The following SLC24A2 variants were observed in gnomAD, a reference collection of about 807,000 sequenced individuals.
SLC24A2 encodes solute carrier family 24 member 2, also known as sodium/potassium/calcium exchanger 2.
Under a neutral mutation model 62.0 loss-of-function variants are expected in SLC24A2, and 36 were observed. The observed-to-expected ratio is 0.58, with a 90% CI of 0.44 to 0.77. The LOEUF (loss-of-function observed/expected upper bound fraction) is 0.77, where lower values mean the gene tolerates loss of function less well. Ranked by LOEUF, SLC24A2 falls within the 30% of genes least tolerant of loss-of-function variation. SLC24A2 has a pLI of 0.00. For missense variants in SLC24A2, 846 were observed against 817.9 expected (o/e 1.03, Z -0.42); for synonymous variants, 358 against 294.0 (o/e 1.22, Z -2.23).
At chr9:19,971,606 C>T in the SLC24A2 span, among the ~76,000 whole-genome samples, 1 of 152,098 alleles carries the variant, frequency 6.6e-6, no homozygotes, top group African/African-American at 2.4e-5. Flanking sequence ...GGACCATTGT[C>T]AATTGGATGA....
intron 5 of SLC24A2, among the ~76,000 whole-genome samples, chr9:19,596,407 A>T (rs1836704159): frequency 6.6e-6 from 1 of 152,210 alleles, no homozygotes; most frequent in South Asian, 2.1e-4. Context: ...ATATATTTTT[A>T]AAAAGTCGCA....
At chr9:19,560,616 C>T (rs992645490) in intron 7 of SLC24A2, among the ~76,000 whole-genome samples, 5 of 152,174 alleles carry the variant, frequency 3.3e-5, no homozygotes, top group Admixed American at 3.3e-4. Flanking sequence ...CTTCCAACCC[C>T]TAGATCTGTG....
At chr9:19,550,706 C>T (rs1003576828) in intron 7 of SLC24A2, among the ~76,000 whole-genome samples, 1 of 145,070 alleles carries the variant, frequency 6.9e-6, no homozygotes. Flanking sequence ...TTCTTTTTCT[C>T]TTTTTTTTTT....
chr9:20,087,894 C>T, the SLC24A2 span, among the ~76,000 whole-genome samples: 1 of 152,132 alleles, frequency 6.6e-6, no homozygotes, highest in Non-Finnish European at 1.5e-5. Flanking sequence ...TCTAGAGGAG[C>T]GTCCCCTACC....
chr9:19,767,516 C>T (rs747236632), intron 2 of SLC24A2, among the ~76,000 whole-genome samples: 4 of 152,202 alleles, frequency 2.6e-5, no homozygotes, highest in Non-Finnish European at 5.9e-5. Flanking sequence ...CACTGTTCCT[C>T]ACAGCACAGT....
chr9:19,785,829 A>C, intron 2 of SLC24A2, 108 bp downstream of exon 2: 1 of 1,430,158 alleles, frequency 7.0e-7, no homozygotes, highest in African/African-American at 1.4e-5. Flanking sequence ...TCTGCTATCC[A>C]CAAGAGCCCC....
Position 19,515,265 on chromosome 9 carries a change from C to A in SLC24A2, c.*888G>T, listed in dbSNP as rs560054852. 2.0e-5 allele frequency: 3 copies of A among 152,212 alleles called. No homozygotes were observed. The South Asian group carries it at 6.2e-4, about 32-fold the overall frequency. The allele number at this position is 152,212 out of a possible 1,614,324, so 9.4% of individuals were successfully genotyped here. ...TAAGAACAAAACAAAACAACCCAAC[C>A]CTGGTTACCTCCCCACTTCCCCAAA... On this transcript the variant is annotated 3_prime_UTR_variant, in exon 11 of 11. Coordinates refer to ENST00000341998, the MANE Select transcript of SLC24A2 (RefSeq NM_020344.4).
the SLC24A2 span, among the ~76,000 whole-genome samples, chr9:20,296,402 A>T: frequency 6.6e-6 from 1 of 152,234 alleles, no homozygotes; most frequent in South Asian, 2.1e-4. Context: ...TTGCACAAAG[A>T]CTTTTAGAGA....
At chr9:20,298,706 T>G in the SLC24A2 span, among the ~76,000 whole-genome samples, 1 of 151,626 alleles carries the variant, frequency 6.6e-6, no homozygotes, top group Admixed American at 6.5e-5. Context: ...GTGCTTTGTA[T>G]GTACTAAGTC....
At chr9:20,037,400 G>A in the SLC24A2 span, among the ~76,000 whole-genome samples, 7 of 152,160 alleles carry the variant, frequency 4.6e-5, no homozygotes, top group Admixed American at 4.6e-4. Flanking sequence ...CACAGATACT[G>A]AGGGCTGACT....
chr9:19,588,937 G>T (rs1200719428), intron 5 of SLC24A2, among the ~76,000 whole-genome samples: 1 of 152,170 alleles, frequency 6.6e-6, no homozygotes, highest in East Asian at 1.9e-4. Context: ...CTCCAGCCTG[G>T]GTGACAGAGT....
At chr9:19,897,976 A>C in the SLC24A2 span, among the ~76,000 whole-genome samples, 2 of 152,210 alleles carry the variant, frequency 1.3e-5, no homozygotes, top group African/African-American at 4.8e-5. Flanking sequence ...CCGGTCAGGG[A>C]AAGAGAATTA....
At chr9:20,090,671 C>T in the SLC24A2 span, among the ~76,000 whole-genome samples, 1 of 151,930 alleles carries the variant, frequency 6.6e-6, no homozygotes, top group African/African-American at 2.4e-5. Context: ...AATCCTTGGC[C>T]CTGTGAAAAC....
At chr9:20,019,027 C>A in the SLC24A2 span, among the ~76,000 whole-genome samples, 1 of 150,098 alleles carries the variant, frequency 6.7e-6, no homozygotes, top group Middle Eastern at 3.2e-3. Context: ...TATGCCACAA[C>A]ACTCCTAGCC....
the SLC24A2 span, among the ~76,000 whole-genome samples, chr9:20,130,081 C>T: frequency 6.6e-6 from 1 of 151,942 alleles, no homozygotes; most frequent in Non-Finnish European, 1.5e-5. Context: ...CAACCACACA[C>T]CTTTGTCATC....
chr9:20,041,236 C>G, the SLC24A2 span, among the ~76,000 whole-genome samples: 1 of 152,196 alleles, frequency 6.6e-6, no homozygotes, highest in South Asian at 2.1e-4. Flanking sequence ...CTTTCATATA[C>G]AAAGCAGCAG....
At chr9:19,780,799 G>A (rs1350375803) in intron 2 of SLC24A2, among the ~76,000 whole-genome samples, 1 of 150,712 alleles carries the variant, frequency 6.6e-6, no homozygotes, top group Non-Finnish European at 1.5e-5. Flanking sequence ...CGTGAACCCG[G>A]GAGGCGGAGC....
At chr9:20,192,609 G>C in the SLC24A2 span, among the ~76,000 whole-genome samples, 1 of 152,124 alleles carries the variant, frequency 6.6e-6, no homozygotes, top group African/African-American at 2.4e-5. Flanking sequence ...GTGGCACTTA[G>C]TTCAACTGGG....
At chr9:20,081,144 T>C in the SLC24A2 span, among the ~76,000 whole-genome samples, 3 of 152,072 alleles carry the variant, frequency 2.0e-5, no homozygotes, top group African/African-American at 7.2e-5. Context: ...ACCCAAAGGA[T>C]TATAAATCAT....
Sources: gnomAD v4.1 joint callset for allele counts (sites outside exome capture counted in the v4.1 genomes callset) on GRCh38, gnomAD v4.1.1 for gene constraint, MANE v1.5 for transcripts, NCBI Gene and HGNC (gene_info 2026-07-23, HGNC 2026-07-21) for gene names.